Variants in REDIC1 observed in about 807,000 individuals in gnomAD.
REDIC1 encodes regulator of DNA class I crossover intermediates 1, also known as HEI10 Interacting Protein 1.
At chr12:39,629,865 T>C in the REDIC1 span, among the ~76,000 whole-genome samples, 16 of 152,288 alleles carry the variant, frequency 1.1e-4, no homozygotes, top group East Asian at 1.7e-3. Context: ...TAATGGACTT[T>C]TTTCTTTTTT....
chr12:39,863,247 A>T, the REDIC1 span, among the ~76,000 whole-genome samples: 5 of 152,164 alleles, frequency 3.3e-5, no homozygotes, highest in African/African-American at 1.2e-4. Context: ...CAGACTGATG[A>T]TCATAAACTG....
At chr12:39,787,823 A>G in the REDIC1 span, among the ~76,000 whole-genome samples, 1 of 152,320 alleles carries the variant, frequency 6.6e-6, no homozygotes, top group African/African-American at 2.4e-5. Flanking sequence ...TAAAAATCAG[A>G]AAGGCCAAAT....
At chr12:39,764,361 A>C in the REDIC1 span, 2 of 1,137,072 alleles carry the variant, frequency 1.8e-6, no homozygotes, top group Non-Finnish European at 2.4e-6. Context: ...TAACAGCAAA[A>C]TATAACCACA....
chr12:39,706,502 A>G, the REDIC1 span, among the ~76,000 whole-genome samples: 3 of 152,212 alleles, frequency 2.0e-5, no homozygotes, highest in South Asian at 4.1e-4. Context: ...AGCCTAAGTT[A>G]TCCTAAGCAA....
the REDIC1 span, among the ~76,000 whole-genome samples, chr12:39,902,367 G>T: frequency 1.3e-5 from 2 of 151,548 alleles, no homozygotes; most frequent in African/African-American, 4.8e-5. Flanking sequence ...TTAAAAAAAA[G>T]AAGAGTGAAA....
chr12:39,666,080 T>A, the REDIC1 span, among the ~76,000 whole-genome samples: 2 of 152,230 alleles, frequency 1.3e-5, no homozygotes. Flanking sequence ...CTAATTGCCC[T>A]GGCCAGAACT....
At chr12:39,796,874 T>C in the REDIC1 span, among the ~76,000 whole-genome samples, 1 of 152,216 alleles carries the variant, frequency 6.6e-6, no homozygotes, top group Non-Finnish European at 1.5e-5. Context: ...ACTTCCTCTC[T>C]AGTTATTTCC....
the REDIC1 span, chr12:39,684,770 A>G: frequency 2.3e-5 from 19 of 824,644 alleles, no homozygotes; most frequent in African/African-American, 2.2e-4. Flanking sequence ...TTCCCATATA[A>G]TTCTGATCTG....
chr12:39,671,906 C>T, the REDIC1 span, among the ~76,000 whole-genome samples: 3 of 152,002 alleles, frequency 2.0e-5, no homozygotes, highest in Admixed American at 2.0e-4. Flanking sequence ...GCACATGTAC[C>T]TGGGGCAACT....
chr12:39,632,254 C>T, the REDIC1 span, among the ~76,000 whole-genome samples: 3 of 151,962 alleles, frequency 2.0e-5, no homozygotes, highest in East Asian at 3.9e-4. Context: ...CCGACCACCA[C>T]GCCTGGCTAA....
At chr12:39,821,449 A>G in the REDIC1 span, among the ~76,000 whole-genome samples, 1 of 152,122 alleles carries the variant, frequency 6.6e-6, no homozygotes, top group Non-Finnish European at 1.5e-5. Flanking sequence ...CCACAGGAGA[A>G]TCCAGGGTAT....
At chr12:39,699,613 C>T in the REDIC1 span, among the ~76,000 whole-genome samples, 1 of 152,216 alleles carries the variant, frequency 6.6e-6, no homozygotes, top group African/African-American at 2.4e-5. Context: ...CTCAAGGAGG[C>T]CTGCCTGCCT....
At chr12:39,748,698 A>G in the REDIC1 span, among the ~76,000 whole-genome samples, 8 of 152,252 alleles carry the variant, frequency 5.3e-5, no homozygotes, top group Non-Finnish European at 7.3e-5. Context: ...ATGTAAAAGA[A>G]CAGAAACTAT....
the REDIC1 span, among the ~76,000 whole-genome samples, chr12:39,715,549 C>G: frequency 1.1e-4 from 16 of 151,902 alleles, no homozygotes; most frequent in Non-Finnish European, 2.2e-4. Flanking sequence ...ATACCACCAT[C>G]ATTCTTCACA....
At chr12:39,688,976 G>A in the REDIC1 span, among the ~76,000 whole-genome samples, 1 of 151,974 alleles carries the variant, frequency 6.6e-6, no homozygotes, top group East Asian at 1.9e-4. Context: ...CGTTTTTTTT[G>A]TAGAATGTAC....
chr12:39,737,381 A>T, the REDIC1 span, among the ~76,000 whole-genome samples: 6 of 152,172 alleles, frequency 3.9e-5, no homozygotes, highest in African/African-American at 1.2e-4. Flanking sequence ...TCCTTAACCT[A>T]ACTTTTACCT....
At chr12:39,675,869 C>T in the REDIC1 span, among the ~76,000 whole-genome samples, 1 of 152,162 alleles carries the variant, frequency 6.6e-6, no homozygotes, top group East Asian at 1.9e-4. Flanking sequence ...CAGTCTGGCT[C>T]ATGTGCAGCC....
the REDIC1 span, among the ~76,000 whole-genome samples, chr12:39,675,552 G>A: frequency 2.0e-5 from 3 of 152,312 alleles, no homozygotes; most frequent in East Asian, 5.8e-4. Context: ...CAAAGAAGGA[G>A]AAAACAACAG....
the REDIC1 span, among the ~76,000 whole-genome samples, chr12:39,831,503 A>G: frequency 6.6e-6 from 1 of 152,186 alleles, no homozygotes; most frequent in African/African-American, 2.4e-5. Context: ...ATGAAAGAAT[A>G]TTTCTTAATG....
Sources: gnomAD v4.1 joint callset for allele counts (sites outside exome capture counted in the v4.1 genomes callset) on GRCh38, gnomAD v4.1.1 for gene constraint, MANE v1.5 for transcripts, NCBI Gene and HGNC (gene_info 2026-07-23, HGNC 2026-07-21) for gene names.